SLCO3A1: variants seen among roughly 807,000 people sequenced by gnomAD.
SLCO3A1 encodes solute carrier organic anion transporter family member 3A1, also known as PGE1 transporter.
SLCO3A1 carries 27 observed loss-of-function variants against 63.1 expected under a neutral mutation model. The observed-to-expected ratio is 0.43, with a 90% confidence interval of 0.32 to 0.59. The LOEUF is 0.59. Among genes scored for constraint, SLCO3A1 ranks in the 20% least tolerant of loss-of-function variants. The probability of loss-of-function intolerance (pLI) is 0.09; values close to 1 mark genes in which losing one functional copy is unlikely to be tolerated. For synonymous variants in SLCO3A1, 473 were observed against 409.9 expected, an observed-to-expected ratio of 1.15 and a Z score of -1.86; for missense variants, 773 against 945.8, an observed-to-expected ratio of 0.82 and a Z score of 2.40.
chr15:92,150,830 T>C (rs1406524114), intron 8 of SLCO3A1, 120 bp from the exon 9 acceptor site: 2 of 609,858 alleles, frequency 3.3e-6, no homozygotes, highest in Non-Finnish European at 5.7e-6. Flanking sequence ...AAAAAGACAC[T>C]ATTAGTAATT....
At chr15:92,053,379 G>T (rs1438074876) in intron 2 of SLCO3A1, among the ~76,000 whole-genome samples, 2 of 152,186 alleles carry the variant, frequency 1.3e-5, no homozygotes. Flanking sequence ...TTTCCACCAT[G>T]ATTAACATCT....
intron 2 of SLCO3A1, among the ~76,000 whole-genome samples, chr15:91,994,320 T>C (rs1282462542): frequency 3.3e-5 from 5 of 152,190 alleles, no homozygotes; most frequent in Non-Finnish European, 1.5e-5. Flanking sequence ...CTTTTTAAAA[T>C]TTTGTCTTTT....
In SLCO3A1 at chr15:92,111,323, A is replaced by G. The variant is rs2047726451; in HGVS notation, c.1009+6781A>G. ...TAATTAAAATCCTGTGCCTTTCAGC[A>G]TAATGTTATCATGAGGAGCCTGGTG... On this transcript the variant is annotated intron_variant, in intron 4 of 9. Transcript: ENST00000318445. Among the ~76,000 whole-genome samples, 5 of 152,224 alleles carry G rather than the reference A, an allele frequency of 3.3e-5. No individual in the cohort carries two copies. The South Asian group carries it at 8.3e-4, about 25-fold the overall frequency.
At chr15:92,103,709 A>G (rs977589418) in intron 3 of SLCO3A1, among the ~76,000 whole-genome samples, 11 of 151,992 alleles carry the variant, frequency 7.2e-5, no homozygotes, top group African/African-American at 2.7e-4. Flanking sequence ...ACTGAGGCAT[A>G]GAGAGTTCAA....
At chr15:91,957,577 G>T (rs1001780712) in intron 2 of SLCO3A1, among the ~76,000 whole-genome samples, 1 of 152,000 alleles carries the variant, frequency 6.6e-6, no homozygotes, top group African/African-American at 2.4e-5. Flanking sequence ...ACATTTTGCT[G>T]TTCCCTCTAC....
At chr15:92,045,016 G>T (rs114971514) in intron 2 of SLCO3A1, among the ~76,000 whole-genome samples, 195 of 152,142 alleles carry the variant, frequency 1.3e-3, no homozygotes, top group African/African-American at 4.4e-3. Context: ...ATTAAAACAT[G>T]TTGTCTGTAA....
intron 5 of SLCO3A1, among the ~76,000 whole-genome samples, chr15:92,123,151 G>A (rs112131603): frequency 0.028 from 4,283 of 152,260 alleles, 200 homozygotes; most frequent in African/African-American, 0.097. Context: ...TAGGCCAGGC[G>A]TGGTGGCTCA....
Position 91,897,161 on chromosome 15 carries a change from A to G in SLCO3A1, c.181-18832A>G, listed in dbSNP as rs1173027225. Among the ~76,000 whole-genome samples, 3 of 152,198 alleles carry G rather than the reference A, an allele frequency of 2.0e-5. No homozygotes were observed. Among genetic ancestry groups the G allele is most frequent in the African/African-American group, 7.2e-5 (3 of 41,448 alleles). ...CATTGTCTATACAATTGTTGCTTTT[A>G]AAATAAAGACAGGCTGGATGCGGTG... On this transcript the variant is annotated intron_variant, in intron 1 of 9. Transcript: ENST00000318445. The surrounding 1 kb of genome is among the most constrained non-coding windows in gnomAD (Gnocchi z 4.7).
At chr15:92,089,038 T>TATTC (rs2047439950) in intron 2 of SLCO3A1, among the ~76,000 whole-genome samples, 1 of 151,714 alleles carries the variant, frequency 6.6e-6, no homozygotes, top group African/African-American at 2.4e-5. Context: ...TTTATTTATT[T>TATTC]ATTTTGAGAT....
intron 2 of SLCO3A1, among the ~76,000 whole-genome samples, chr15:92,008,043 C>T (rs2046330845): frequency 6.6e-6 from 1 of 152,170 alleles, no homozygotes; most frequent in African/African-American, 2.4e-5. Context: ...AAGAAGTCGG[C>T]TCGGTAAACA....
intron 2 of SLCO3A1, among the ~76,000 whole-genome samples, chr15:92,049,484 A>G (rs2046931080): frequency 6.6e-6 from 1 of 152,168 alleles, no homozygotes; most frequent in African/African-American, 2.4e-5. Context: ...CACCATGGCA[A>G]CGGAGGCCAA....
chr15:91,931,505 C>G (rs1406651821), intron 2 of SLCO3A1, among the ~76,000 whole-genome samples: 4 of 150,544 alleles, frequency 2.7e-5, no homozygotes, highest in African/African-American at 9.8e-5. Flanking sequence ...GAGTCTCGCT[C>G]TGTCACCCAG....
chr15:92,064,730 T>C (rs1351143213), intron 2 of SLCO3A1, among the ~76,000 whole-genome samples: 1 of 152,148 alleles, frequency 6.6e-6, no homozygotes, highest in Non-Finnish European at 1.5e-5. Context: ...TGCAGCAACA[T>C]GGATAGAACT....
intron 2 of SLCO3A1, among the ~76,000 whole-genome samples, chr15:92,013,579 C>T (rs545367445): frequency 2.0e-4 from 30 of 152,228 alleles, no homozygotes; most frequent in Non-Finnish European, 3.5e-4. Flanking sequence ...GGTTACACTT[C>T]TCAGCTGATG....
At chr15:92,160,343 C>T (rs1023907918) in intron 9 of SLCO3A1, among the ~76,000 whole-genome samples, 1 of 151,952 alleles carries the variant, frequency 6.6e-6, no homozygotes, top group Non-Finnish European at 1.5e-5. Context: ...TTCTATTATG[C>T]GGTTGCCATG....
intron 7 of SLCO3A1, among the ~76,000 whole-genome samples, chr15:92,144,282 A>ATT (rs141214749): frequency 0.032 from 4,922 of 152,352 alleles, 276 homozygotes; most frequent in African/African-American, 0.11. Flanking sequence ...CAGAGAAATG[A>ATT]GAGCATCTCA....
chr15:91,996,405 T>C lies in SLCO3A1; in HGVS notation c.646+79947T>C, dbSNP rs549800863. 3.0e-4 allele frequency among the ~76,000 whole-genome samples: 45 copies of C among 150,444 alleles called. No homozygotes were observed. In the South Asian group the frequency reaches 9.4e-3, roughly 32 times the overall value. On this transcript the variant is annotated intron_variant, in intron 2 of 9. Transcript: ENST00000318445. ...ATGGGATGATTCAGTATCATAAACATTTTTTTTTGCCCAAATATACCTGTA... is the reference window on the plus strand; with the variant it reads ...ATGGGATGATTCAGTATCATAAACACTTTTTTTTGCCCAAATATACCTGTA...
intron 2 of SLCO3A1, among the ~76,000 whole-genome samples, chr15:91,917,157 G>A (rs1898689366): frequency 6.6e-6 from 1 of 152,084 alleles, no homozygotes; most frequent in South Asian, 2.1e-4. Context: ...CTGTTGGATG[G>A]CAGCGTGCAA....
intron 4 of SLCO3A1, among the ~76,000 whole-genome samples, chr15:92,105,714 A>T (rs949426850): frequency 6.6e-6 from 1 of 152,202 alleles, no homozygotes; most frequent in African/African-American, 2.4e-5. Context: ...GAGTGGGCTC[A>T]TGCAGCCAGG....
Sources: allele counts gnomAD v4.1 joint callset (sites outside exome capture counted in the v4.1 genomes callset), GRCh38; gene constraint gnomAD v4.1.1; non-coding constraint Gnocchi (gnomAD v3.1); transcripts MANE v1.5; gene names NCBI Gene and HGNC (gene_info 2026-07-23, HGNC 2026-07-21).